The following BRWD1 variants were observed in gnomAD, a reference collection of about 807,000 sequenced individuals.
The protein encoded by BRWD1 is bromodomain and WD repeat domain containing 1.
Under a neutral mutation model 251.2 loss-of-function variants are expected in BRWD1, and 82 were observed. The ratio of observed to expected loss-of-function variants is 0.33; its 90% CI spans 0.27 to 0.39. BRWD1 has a LOEUF of 0.39. Among genes scored for constraint, BRWD1 ranks in the 10% least tolerant of loss-of-function variants. The pLI is 1.00. For synonymous variants in BRWD1, 918 were observed against 902.8 expected (o/e 1.02, Z -0.30); for missense variants, 2,233 against 2,711.6 (o/e 0.82, Z 3.92).
chr21:39,296,760 T>A lies in BRWD1; in HGVS notation c.350-397A>T, dbSNP rs1192683826. 1.1e-4 allele frequency: 104 copies of A among 930,486 alleles called. 1 individual carries two copies. In the South Asian group the frequency reaches 1.7e-3, roughly 15 times the overall value. The allele number at this position is 930,486 out of a possible 1,614,324, so 57.6% of individuals were successfully genotyped here. The stretch of plus-strand genomic sequence containing the variant: ...GTAAAAGATGGACCATAAAACCAGA[T>A]CTTTTGACTCCAAGTCCCATTTAAT... On this transcript the variant is annotated intron_variant, in intron 5 of 40. Transcript: ENST00000342449.
At chr21:39,308,947 G>A (rs976064257) in intron 4 of BRWD1, among the ~76,000 whole-genome samples, 7 of 151,992 alleles carry the variant, frequency 4.6e-5, no homozygotes, top group East Asian at 3.9e-4. Flanking sequence ...AGGCCGAGGC[G>A]GGCAGGTCAC....
intron 13 of BRWD1, among the ~76,000 whole-genome samples, chr21:39,272,031 T>C (rs1246228177): frequency 2.2e-5 from 3 of 134,848 alleles, no homozygotes; most frequent in Non-Finnish European, 3.2e-5. Context: ...AAAAAGAATA[T>C]AGAATGAGTG....
Position 39,188,409 on chromosome 21 carries a change from G to A in BRWD1, c.*7850C>T, listed in dbSNP as rs1267341031. On this transcript the variant is annotated 3_prime_UTR_variant, in exon 41 of 41. Coordinates refer to ENST00000342449, the MANE Select transcript of BRWD1 (RefSeq NM_033656.4). ...TATCCTCCACCCACACTAGACATCT[G>A]GAGGACTCCACCACATTCTTTTTAC... is the stretch of plus-strand genomic sequence containing the variant. 1 of 985,322 alleles carries A rather than the reference G, an allele frequency of 1.0e-6. No individual in the cohort carries two copies. The highest frequency in any genetic ancestry group is 1.1e-4 in the East Asian group (1 of 8,808). The allele number at this position is 985,322 out of a possible 1,614,324, so 61.0% of individuals were successfully genotyped here.
At chr21:39,261,504 A>T (rs1010188970) in intron 17 of BRWD1, among the ~76,000 whole-genome samples, 1 of 152,210 alleles carries the variant, frequency 6.6e-6, no homozygotes, top group African/African-American at 2.4e-5. Flanking sequence ...GATTTGTGCT[A>T]CAGTGCCAGA....
At chr21:39,228,335 G>A (rs887528110) in intron 27 of BRWD1, among the ~76,000 whole-genome samples, 165 bp downstream of exon 27, 2 of 152,030 alleles carry the variant, frequency 1.3e-5, no homozygotes, top group Admixed American at 6.6e-5. Flanking sequence ...TGCATAATCA[G>A]TAAGTACCAA....
At chr21:39,268,608 TAAC>T (rs910256331) in intron 15 of BRWD1, among the ~76,000 whole-genome samples, 24 of 152,204 alleles carry the variant, frequency 1.6e-4, no homozygotes, top group African/African-American at 5.5e-4. Context: ...GGACACTCTG[TAAC>T]AATACTTGCT....
chr21:39,291,556 G>A (rs1217430057), intron 8 of BRWD1, among the ~76,000 whole-genome samples: 1 of 151,972 alleles, frequency 6.6e-6, no homozygotes, highest in Non-Finnish European at 1.5e-5. Flanking sequence ...GCCTATACTC[G>A]CTGACCAGAC....
At chr21:39,221,774 C>T (rs1268057905) in intron 29 of BRWD1, among the ~76,000 whole-genome samples, 2 of 151,982 alleles carry the variant, frequency 1.3e-5, no homozygotes, top group Admixed American at 1.3e-4. Flanking sequence ...CTGGGTGGCA[C>T]ATGCCTATAG....
intron 12 of BRWD1, among the ~76,000 whole-genome samples, chr21:39,275,632 G>A (rs1311984172): frequency 1.3e-5 from 2 of 152,096 alleles, no homozygotes; most frequent in Admixed American, 6.6e-5. Flanking sequence ...ATGTGAAGTG[G>A]CAGAGATGTT....
chr21:39,238,415 A>C lies in BRWD1; in HGVS notation c.2576+64T>G, dbSNP rs943868522. The C allele has an allele frequency of 6.7e-6, 9 of 1,337,842 alleles. No homozygotes were observed. In the African/African-American group the frequency reaches 1.2e-4, roughly 17 times the overall value. The allele number at this position is 1,337,842 out of a possible 1,614,324, so 82.9% of individuals were successfully genotyped here. On this transcript the variant is annotated intron_variant, in intron 22 of 40. Transcript: ENST00000342449. ...ATTCTTGCCTCTTGAATAAAATTCAAGTATGATTCCATCCAAGACTATGAC... is the reference window on the plus strand; with the variant it reads ...ATTCTTGCCTCTTGAATAAAATTCACGTATGATTCCATCCAAGACTATGAC...
chr21:39,217,079 A>ATT (rs2032972779), intron 31 of BRWD1: 1 of 11,694 alleles, frequency 8.6e-5, no homozygotes, highest in Non-Finnish European at 1.5e-4. Flanking sequence ...ATATATATAT[A>ATT]TATATTTTTT....
intron 4 of BRWD1, 66 bp from the exon 5 acceptor site, chr21:39,298,648 A>G: frequency 1.5e-6 from 2 of 1,329,718 alleles, no homozygotes; most frequent in Non-Finnish European, 1.0e-6. Context: ...ATACTTAGGG[A>G]TAAGTCTGGC....
intron 13 of BRWD1, among the ~76,000 whole-genome samples, chr21:39,271,482 G>A (rs1489600720): frequency 1.3e-5 from 2 of 151,830 alleles, no homozygotes; most frequent in Non-Finnish European, 1.5e-5. Flanking sequence ...GAGGTCAGGA[G>A]ATTGAGACCA....
chr21:39,270,191 A>G, intron 14 of BRWD1, 92 bp downstream of exon 14: 1 of 1,284,552 alleles, frequency 7.8e-7, no homozygotes, highest in Non-Finnish European at 1.0e-6. Context: ...CATGAGAGAA[A>G]CAACTTGTTC....
At chr21:39,290,359 C>T (rs2035772168) in intron 8 of BRWD1, among the ~76,000 whole-genome samples, 2 of 151,498 alleles carry the variant, frequency 1.3e-5, no homozygotes, top group African/African-American at 4.9e-5. Flanking sequence ...CGTGGTGGCA[C>T]GTGCCTGTAG....
At chr21:39,287,755 T>TA (rs1305508237) in intron 8 of BRWD1, among the ~76,000 whole-genome samples, 4 of 152,160 alleles carry the variant, frequency 2.6e-5, no homozygotes, top group Admixed American at 2.6e-4. Context: ...TTTCTGTACT[T>TA]ATCTTCATAA....
rs769329635 is a variant in BRWD1 at position 39,202,450 on chromosome 21, A to G, written c.4460T>C (p.Leu1487Pro). ...ACCAGCACTTGTCTTGTGGGTTCCA[A>G]GATAAGCTGTCCTACTTGAGGTAGA... ...TQSTSSRTAYLGTHKTSAGIS... is the reference protein window; with the variant it reads ...TQSTSSRTAYPGTHKTSAGIS... Residue 1487 changes from leucine to proline, a missense_variant, in exon 38 of 41, where the codon CTT becomes CCT. Around this residue, in one of 12 missense-constraint regions of BRWD1, gnomAD observed 928 missense variants for 970.0 expected, o/e 0.96. Transcript: ENST00000342449. 8 of 1,614,102 alleles carry G rather than the reference A, an allele frequency of 5.0e-6. No homozygotes were observed. In the East Asian group the frequency reaches 1.6e-4, roughly 31 times the overall value.
chr21:39,286,421 A>G (rs1013210807), intron 8 of BRWD1, among the ~76,000 whole-genome samples: 13 of 152,170 alleles, frequency 8.5e-5, no homozygotes, highest in Non-Finnish European at 1.3e-4. Context: ...ATTTCACAAG[A>G]TAAACTGCAA....
At chr21:39,255,939 G>A in intron 18 of BRWD1, 111 bp from the exon 19 acceptor site, 1 of 959,330 alleles carries the variant, frequency 1.0e-6, no homozygotes, top group Non-Finnish European at 1.5e-6. Flanking sequence ...AAAGAACTAA[G>A]AGAAGATAGT....
Sources: allele counts gnomAD v4.1 joint callset (sites outside exome capture counted in the v4.1 genomes callset), GRCh38; gene constraint gnomAD v4.1.1; regional missense constraint gnomAD v4.1.1; transcripts MANE v1.5; gene names NCBI Gene and HGNC (gene_info 2026-07-23, HGNC 2026-07-21).